The following PLEKHG1 variants were observed in gnomAD, a reference collection of about 807,000 sequenced individuals.
The protein encoded by PLEKHG1 is pleckstrin homology and RhoGEF domain containing G1.
Under a neutral mutation model 100.8 loss-of-function variants are expected in PLEKHG1, and 44 were observed. The ratio of observed to expected loss-of-function variants is 0.44; its 90% CI spans 0.34 to 0.56. PLEKHG1 has a LOEUF of 0.56. Among genes scored for constraint, PLEKHG1 ranks in the 20% least tolerant of loss-of-function variants. The probability of loss-of-function intolerance (pLI) is 0.01; values close to 1 mark genes in which losing one functional copy is unlikely to be tolerated. For synonymous variants in PLEKHG1, 640 were observed against 662.5 expected (o/e 0.97, Z 0.52); for missense variants, 1,545 against 1,720.9 (o/e 0.90, Z 1.81).
chr6:150,682,692 G>A (rs139297855), intron 3 of PLEKHG1, among the ~76,000 whole-genome samples: 2 of 152,176 alleles, frequency 1.3e-5, no homozygotes, highest in African/African-American at 4.8e-5. Context: ...TCACACACGG[G>A]AGCAGACCTT....
intron 4 of PLEKHG1, among the ~76,000 whole-genome samples, chr6:150,790,986 G>A (rs933765680): frequency 1.3e-5 from 2 of 152,170 alleles, no homozygotes; most frequent in Non-Finnish European, 2.9e-5. Context: ...TCGTGCCACT[G>A]CACTCCAAGC....
At chr6:150,699,032 T>C (rs1780660851) in intron 3 of PLEKHG1, among the ~76,000 whole-genome samples, 2 of 152,192 alleles carry the variant, frequency 1.3e-5, no homozygotes, top group African/African-American at 4.8e-5. Context: ...TTACATTACC[T>C]TTTTACGTCT....
rs111888692 is a variant in PLEKHG1, at chr6:150,702,027, G to C, written c.-98-31557G>C. On this transcript the variant is annotated intron_variant, in intron 3 of 3. Transcript: ENST00000367326. ...ACAGTAAGTCACAAGTCAAAGATTG[G>C]AAACTTGTATCTCACTCCATAATTC... Among the ~76,000 whole-genome samples the C allele has an allele frequency of 9.7e-4, 148 of 152,262 alleles. 2 individuals are homozygous for C. Among genetic ancestry groups the C allele is most frequent in the Middle Eastern group, 3.4e-3 (1 of 294 alleles).
At chr6:150,795,782 C>A (rs935285674) in intron 4 of PLEKHG1, 74 bp from the exon 6 acceptor site, 4 of 850,072 alleles carry the variant, frequency 4.7e-6, no homozygotes, top group African/African-American at 3.4e-5. Context: ...AATGCTATTT[C>A]TTTTTATTGT....
upstream of PLEKHG1, among the ~76,000 whole-genome samples, chr6:150,718,739 A>G (rs1284850914): frequency 1.3e-5 from 2 of 152,116 alleles, no homozygotes; most frequent in African/African-American, 4.8e-5. Context: ...AAGTGCTGGG[A>G]TTATAGGCGT....
intron 3 of PLEKHG1, among the ~76,000 whole-genome samples, chr6:150,677,282 C>CTG (rs1382637054): frequency 2.5e-5 from 3 of 119,352 alleles, no homozygotes; most frequent in East Asian, 2.3e-4. Flanking sequence ...GTTTCTTCCC[C>CTG]TATACACACA....
intron 10 of PLEKHG1, among the ~76,000 whole-genome samples, chr6:150,815,862 G>A (rs750973556): frequency 6.6e-6 from 1 of 152,168 alleles, no homozygotes; most frequent in Non-Finnish European, 1.5e-5. Flanking sequence ...AGGCAAGAAA[G>A]GCTACAATCC....
chr6:150,732,581 C>T (rs777368994), intron 1 of PLEKHG1, among the ~76,000 whole-genome samples: 2 of 152,214 alleles, frequency 1.3e-5, no homozygotes, highest in African/African-American at 2.4e-5. Flanking sequence ...CTAGGCTAGA[C>T]GAGATGGCAG....
intron 5 of PLEKHG1, among the ~76,000 whole-genome samples, chr6:150,798,279 A>C (rs1786478101): frequency 2.0e-5 from 3 of 152,190 alleles, no homozygotes; most frequent in African/African-American, 7.2e-5. Flanking sequence ...GAATCATCAA[A>C]GTTCCAGATC....
intron 15 of PLEKHG1, among the ~76,000 whole-genome samples, chr6:150,837,416 G>A (rs1777287648): frequency 6.6e-6 from 1 of 152,234 alleles, no homozygotes; most frequent in Non-Finnish European, 1.5e-5. Flanking sequence ...CAAAGGCATG[G>A]GAAATACTGT....
chr6:150,795,880 C>G (rs1462775678), exon 5 of PLEKHG1: 1 of 1,604,120 alleles, frequency 6.2e-7, no homozygotes, highest in Admixed American at 1.7e-5. Flanking sequence ...CATTTATACC[C>G]AGTATTGCAC....
intron 1 of PLEKHG1, among the ~76,000 whole-genome samples, chr6:150,623,121 C>A (rs1005960868): frequency 2.6e-5 from 4 of 151,668 alleles, no homozygotes; most frequent in Non-Finnish European, 5.9e-5. Context: ...ATGACACATT[C>A]TTGAGGTTTC....
At chr6:150,774,862 A>C (rs1784881506) in intron 3 of PLEKHG1, among the ~76,000 whole-genome samples, 1 of 151,958 alleles carries the variant, frequency 6.6e-6, no homozygotes, top group Admixed American at 6.6e-5. Flanking sequence ...GAATTTTTAA[A>C]AATTCTTTTT....
At position 150,618,831 on chromosome 6, in the gene PLEKHG1, A is replaced by G. The variant is rs1035168730; in HGVS notation, c.-204+18814A>G. Among the ~76,000 whole-genome samples, 47 of 152,198 alleles carry G rather than the reference A, an allele frequency of 3.1e-4. 1 individual carries two copies. Among genetic ancestry groups the G allele is most frequent in the Non-Finnish European group, 1.0e-4 (7 of 68,032 alleles). ...CAGGCTGGATGCTCAAAATCCCAAC[A>G]CTTTTGGAAGTCAAGATGGGGAGGA... On this transcript the variant is annotated intron_variant, in intron 1 of 3. Transcript: ENST00000367326.
chr6:150,603,332 C>A (rs535342235), intron 1 of PLEKHG1, among the ~76,000 whole-genome samples: 1 of 152,112 alleles, frequency 6.6e-6, no homozygotes, highest in Non-Finnish European at 1.5e-5. Context: ...CCAATCCATT[C>A]GGTCATTCAG....
At chr6:150,746,118 T>C (rs1282870832) in intron 2 of PLEKHG1, among the ~76,000 whole-genome samples, 6 of 152,266 alleles carry the variant, frequency 3.9e-5, no homozygotes, top group Non-Finnish European at 7.4e-5. Flanking sequence ...CCAAATGCAC[T>C]CAGGGGAGAC....
chr6:150,840,284 G>T (rs188066587), exon 16 of PLEKHG1: 9 of 1,614,158 alleles, frequency 5.6e-6, no homozygotes, highest in Middle Eastern at 3.3e-4. Context: ...ACAGGTCCCA[G>T]TCATCTTCCT....
chr6:150,809,511 C>CT (rs1440476420), intron 9 of PLEKHG1, 35 bp downstream of exon 10: 1 of 1,557,096 alleles, frequency 6.4e-7, no homozygotes, highest in African/African-American at 1.4e-5. Flanking sequence ...CGCAAGGCCC[C>CT]TTTGTGTAAT....
exon 16 of PLEKHG1, chr6:150,841,021 ACTTT>A (rs1777505502): frequency 1.3e-6 from 1 of 779,264 alleles, no homozygotes; most frequent in Non-Finnish European, 2.2e-6. Context: ...TGTAAAATAT[ACTTT>A]CTTTTACAGC....
Sources: gnomAD v4.1 joint callset for allele counts (sites outside exome capture counted in the v4.1 genomes callset) on GRCh38, gnomAD v4.1.1 for gene constraint, MANE v1.5 for transcripts, NCBI Gene and HGNC (gene_info 2026-07-23, HGNC 2026-07-21) for gene names.